The following PCSK6 variants were observed in gnomAD, a reference collection of about 807,000 sequenced individuals.
PCSK6 encodes the protein paired basic amino acid cleaving enzyme 4.
Under a neutral mutation model 123.3 loss-of-function variants are expected in PCSK6, and 85 were observed. The ratio of observed to expected loss-of-function variants is 0.69; its 90% CI spans 0.58 to 0.83. The LOEUF (loss-of-function observed/expected upper bound fraction) is 0.83, where lower values mean the gene tolerates loss of function less well. Among genes scored for constraint, PCSK6 ranks in the 40% least tolerant of loss-of-function variants. The probability of loss-of-function intolerance (pLI) is 0.00; values close to 1 mark genes in which losing one functional copy is unlikely to be tolerated. For missense variants in PCSK6, 1,191 were observed against 1,282.3 expected (o/e 0.93, Z 1.09); for synonymous variants, 508 against 516.0 (o/e 0.98, Z 0.21).
chr15:101,432,640 AG>A (rs2056484089), intron 2 of PCSK6, among the ~76,000 whole-genome samples: 1 of 151,482 alleles, frequency 6.6e-6, no homozygotes, highest in African/African-American at 2.4e-5. Flanking sequence ...AAAAAAAAAA[AG>A]ACAGAGAGAG....
intron 2 of PCSK6, among the ~76,000 whole-genome samples, chr15:101,441,278 TA>T (rs925558478): frequency 2.0e-5 from 3 of 152,124 alleles, no homozygotes; most frequent in African/African-American, 7.2e-5. Context: ...ATAGGACTTT[TA>T]ACACACCTAA....
In PCSK6 at chr15:101,379,903, C is replaced by T. The variant is rs188237365; in HGVS notation, c.1532+2189G>A. On this transcript the variant is annotated intron_variant, in intron 11 of 21. Coordinates refer to ENST00000611716, the MANE Select transcript of PCSK6 (RefSeq NM_002570.5). ...CCAGGAGGGGAGACCCACAGGTGGA[C>T]GTGAGGCATGGAACTCTGCTTGGTA... is the stretch of plus-strand genomic sequence containing the variant. 9.2e-5 allele frequency among the ~76,000 whole-genome samples: 14 copies of T among 152,252 alleles called. No homozygotes were observed. The East Asian group carries it at 1.4e-3, about 15-fold the overall frequency.
rs115349575 is a variant in PCSK6 at position 101,475,151 on chromosome 15, C to T, written c.297+14223G>A. ...ACATTTGGACTCCGCCCCTATATTC[C>T]GTTCACTACTCCTCTCGCAAGAGTT... On this transcript the variant is annotated intron_variant, in intron 1 of 21. Coordinates refer to ENST00000611716, the MANE Select transcript of PCSK6 (RefSeq NM_002570.5). Among the ~76,000 whole-genome samples the T allele has an allele frequency of 1.3e-3, 201 of 152,286 alleles. 3 individuals are homozygous for T. The highest frequency in any genetic ancestry group is 4.6e-3 in the African/African-American group (193 of 41,540).
intron 2 of PCSK6, among the ~76,000 whole-genome samples, chr15:101,433,853 T>A (rs1362903754): frequency 6.6e-6 from 1 of 152,168 alleles, no homozygotes; most frequent in Non-Finnish European, 1.5e-5. Context: ...CTCCAAGACA[T>A]CCTTGGTGTA....
chr15:101,408,683 T>C (rs1339401834), intron 6 of PCSK6, among the ~76,000 whole-genome samples: 1 of 152,184 alleles, frequency 6.6e-6, no homozygotes, highest in Non-Finnish European at 1.5e-5. Flanking sequence ...CCCCAGTGCA[T>C]TTAAAATCCT....
At chr15:101,314,091 G>A (rs545566939) in intron 19 of PCSK6, among the ~76,000 whole-genome samples, 2 of 152,200 alleles carry the variant, frequency 1.3e-5, no homozygotes, top group Non-Finnish European at 1.5e-5. Context: ...AGATCTTTGG[G>A]AATGGTGTTG....
chr15:101,313,386 CTT>C lies in PCSK6; in HGVS notation c.2687_2688del (p.Lys896SerfsTer6). ...CCAGGAGGACCGTACCTTCGACACACTTTGTGGGGCAAGCCCGGCATCTCTTC... is the reference window on the plus strand; with the variant it reads ...CCAGGAGGACCGTACCTTCGACACACTGTGGGGCAAGCCCGGCATCTCTTC... ...YPEEMPGLPHKVCRRCDENCL... is the reference protein window; with the variant it reads ...YPEEMPGLPHXVCRRCDENCL... On this transcript the variant is annotated frameshift_variant, in exon 20 of 22. Transcript: ENST00000611716. LOFTEE classifies it high-confidence loss of function. 15 of 1,612,792 alleles carry C rather than the reference CTT, an allele frequency of 9.3e-6. No homozygotes were observed. The highest frequency in any genetic ancestry group is 1.3e-5 in the Non-Finnish European group (15 of 1,179,872).
rs1300515303 is a variant in PCSK6 at position 101,398,326 on chromosome 15, T to C, written c.996+78A>G. 4.7e-6 allele frequency: 7 copies of C among 1,491,096 alleles called. No homozygotes were observed. In the African/African-American group the frequency reaches 6.9e-5, roughly 15 times the overall value. 92.4% of individuals were successfully genotyped at this position (1,491,096 alleles called of 1,614,324 possible). A position where few individuals can be genotyped will look rare whatever the true frequency, so the allele number is the denominator to read the frequency against. ...TGTCTTGTTTCAGGGCTGTGGCCAG[T>C]GTCACTCTGATACTTGTTAAAATGT... is the stretch of plus-strand genomic sequence containing the variant. On this transcript the variant is annotated intron_variant, in intron 7 of 21. Coordinates refer to ENST00000611716, the MANE Select transcript of PCSK6 (RefSeq NM_002570.5). This position sits in a 1 kb window ranked among gnomAD's most constrained non-coding sequence, Gnocchi z 4.6.
At chr15:101,487,850 G>A (rs980639705) in intron 1 of PCSK6, among the ~76,000 whole-genome samples, 1 of 152,078 alleles carries the variant, frequency 6.6e-6, no homozygotes, top group Non-Finnish European at 1.5e-5. Flanking sequence ...TGAAATCACA[G>A]GATGTTTGGA....
chr15:101,399,319 C>T (rs1367091624), intron 6 of PCSK6, among the ~76,000 whole-genome samples: 3 of 152,172 alleles, frequency 2.0e-5, no homozygotes, highest in African/African-American at 7.2e-5. Flanking sequence ...TATGATGAAC[C>T]AAATGATGAG....
intron 13 of PCSK6, among the ~76,000 whole-genome samples, chr15:101,344,735 T>G (rs1471722180): frequency 6.6e-6 from 1 of 152,166 alleles, no homozygotes; most frequent in Non-Finnish European, 1.5e-5. Flanking sequence ...CATTCCAACC[T>G]CTGCCTTCTA....
At chr15:101,365,093 G>A in intron 13 of PCSK6, 15 of 718,258 alleles carry the variant, frequency 2.1e-5, no homozygotes, top group Non-Finnish European at 3.5e-5. Context: ...GGAACAAATG[G>A]GTACAAAAGA....
At chr15:101,313,165 G>A (rs1039653390) in intron 20 of PCSK6, 2 of 1,495,974 alleles carry the variant, frequency 1.3e-6, no homozygotes, top group African/African-American at 1.4e-5. Context: ...CTGCTGCACG[G>A]TGTCTGCCCA....
intron 2 of PCSK6, among the ~76,000 whole-genome samples, chr15:101,432,898 A>T (rs1048362909): frequency 6.6e-6 from 1 of 152,244 alleles, no homozygotes; most frequent in Admixed American, 6.5e-5. Context: ...GCAATATGGT[A>T]CCAAAACATG....
At chr15:101,455,056 T>C (rs2057142976) in intron 1 of PCSK6, among the ~76,000 whole-genome samples, 1 of 152,240 alleles carries the variant, frequency 6.6e-6, no homozygotes. Context: ...ACAGTGGTGA[T>C]GGTTGCATAA....
At chr15:101,473,929 T>C (rs1406075123) in intron 1 of PCSK6, among the ~76,000 whole-genome samples, 2 of 151,954 alleles carry the variant, frequency 1.3e-5, no homozygotes, top group Non-Finnish European at 2.9e-5. Context: ...GAATGAATGG[T>C]TGTGAGGGTC....
chr15:101,483,669 C>T (rs1472714664), intron 1 of PCSK6, among the ~76,000 whole-genome samples: 1 of 152,222 alleles, frequency 6.6e-6, no homozygotes, highest in Non-Finnish European at 1.5e-5. Flanking sequence ...CTTGTCTTTT[C>T]TGAGTCACAA....
chr15:101,307,872 G>A (rs951194871), intron 20 of PCSK6: 3 of 157,542 alleles, frequency 1.9e-5, no homozygotes, highest in Non-Finnish European at 2.8e-5. Flanking sequence ...GGACGGTCCT[G>A]GCCCAGCCTG....
At chr15:101,420,090 C>CT (rs2056031058) in intron 6 of PCSK6, among the ~76,000 whole-genome samples, 1 of 149,650 alleles carries the variant, frequency 6.7e-6, no homozygotes, top group African/African-American at 2.5e-5. Flanking sequence ...ACTCGGGAGG[C>CT]TGAGGCAGGA....
Sources: gnomAD v4.1 joint callset for allele counts (sites outside exome capture counted in the v4.1 genomes callset) on GRCh38, gnomAD v4.1.1 for gene constraint, Gnocchi (gnomAD v3.1) non-coding constraint, MANE v1.5 for transcripts, NCBI Gene and HGNC (gene_info 2026-07-23, HGNC 2026-07-21) for gene names.